PCDHGA4: variants seen among roughly 807,000 people sequenced by gnomAD.
The protein encoded by PCDHGA4 is protocadherin gamma-A4.
A neutral mutation model predicts 54.6 loss-of-function variants in PCDHGA4; 38 were observed. The ratio of observed to expected loss-of-function variants is 0.70; its 90% CI spans 0.54 to 0.91. PCDHGA4 has a LOEUF of 0.91. PCDHGA4 is among the 40% of genes least tolerant of loss of function. PCDHGA4 has a pLI of 0.00. For synonymous variants in PCDHGA4, 511 were observed against 512.9 expected, an observed-to-expected ratio of 1.00 and a Z score of 0.05; for missense variants, 1,298 against 1,220.9, an observed-to-expected ratio of 1.06 and a Z score of -0.94.
intron 1 of PCDHGA4, among the ~76,000 whole-genome samples, chr5:141,437,064 G>T (rs1380953110): frequency 6.6e-6 from 1 of 152,170 alleles, no homozygotes; most frequent in Non-Finnish European, 1.5e-5. Flanking sequence ...ATCATTATTT[G>T]GTTTGGGCCA....
In PCDHGA4 at chr5:141,491,867, T is replaced by A. The variant is rs1424221139; in HGVS notation, c.2515-2940T>A. On this transcript the variant is annotated intron_variant, in intron 1 of 3. Transcript: ENST00000571252. The surrounding 1 kb of genome is among the most constrained non-coding windows in gnomAD (Gnocchi z 6.9). ...TTGGACCGTTTGCGCGAAACCAGAG[T>A]GGCCGATTAAGGGATGGGGCTCCGA... 6.9e-7 allele frequency: 1 copy of A among 1,452,218 alleles called. No homozygotes were observed. The highest frequency in any genetic ancestry group is 9.1e-7 in the Non-Finnish European group (1 of 1,099,056). The allele number at this position is 1,452,218 out of a possible 1,614,324, so 90.0% of individuals were successfully genotyped here. A position where few individuals can be genotyped will look rare whatever the true frequency, so the allele number is the denominator to read the frequency against.
intron 1 of PCDHGA4, chr5:141,370,427 AG>A (rs749504882): frequency 1.3e-4 from 212 of 1,590,086 alleles, no homozygotes; most frequent in Non-Finnish European, 1.7e-4. Flanking sequence ...GGGGCCCAGC[AG>A]GGCAGAGGCG....
At chr5:141,498,352 C>T (rs1439698389) in intron 2 of PCDHGA4, among the ~76,000 whole-genome samples, 1 of 151,772 alleles carries the variant, frequency 6.6e-6, no homozygotes, top group Non-Finnish European at 1.5e-5. Flanking sequence ...AAAGCCTATG[C>T]AAAAGCCTTG....
In PCDHGA4 at chr5:141,374,048, C is replaced by T. The variant is rs1406796976; in HGVS notation, c.2514+16427C>T. ...AAAGTGATGCAGATCTGTTCTTCCT[C>T]TTCTTAATCCCAGAGAAGTTCCTAA... On this transcript the variant is annotated intron_variant, in intron 1 of 3. Coordinates refer to ENST00000571252, the MANE Select transcript of PCDHGA4 (RefSeq NM_018917.4). The T allele has an allele frequency of 4.8e-6, 7 of 1,471,096 alleles. No homozygotes were observed. In the East Asian group the frequency reaches 1.4e-4, roughly 30 times the overall value. 91.1% of individuals were successfully genotyped at this position (1,471,096 alleles called of 1,614,324 possible).
rs374191427 is a variant in PCDHGA4 at position 141,419,804 on chromosome 5, G to A, written c.2514+62183G>A. ...GCGCCTGCTAGTCGCTGTAAGAGAT[G>A]GAGGACAGCCACCCCTTTCAGCCAC... On this transcript the variant is annotated intron_variant, in intron 1 of 3. Coordinates refer to ENST00000571252, the MANE Select transcript of PCDHGA4 (RefSeq NM_018917.4). The A allele has an allele frequency of 2.8e-5, 45 of 1,613,946 alleles. No homozygotes were observed. The highest frequency in any genetic ancestry group is 1.6e-4 in the Middle Eastern group (1 of 6,082).
chr5:141,399,203 G>C, intron 1 of PCDHGA4: 1 of 1,613,940 alleles, frequency 6.2e-7, no homozygotes, highest in Middle Eastern at 1.6e-4. Context: ...GCGGTGCCTG[G>C]AACACTAATT....
At chr5:141,401,255 T>C (rs56773894) in intron 1 of PCDHGA4, among the ~76,000 whole-genome samples, 18,026 of 152,078 alleles carry the variant, frequency 0.12, 1,226 homozygotes, top group African/African-American at 0.18. Flanking sequence ...GACAGGAGAA[T>C]TGCTTGAACC....
At chr5:141,413,118 G>A (rs999214227) in intron 1 of PCDHGA4, 4 of 1,517,034 alleles carry the variant, frequency 2.6e-6, no homozygotes, top group Admixed American at 4.3e-5. Flanking sequence ...CAAAGGAACC[G>A]GTTGAAACAC....
intron 1 of PCDHGA4, chr5:141,410,014 G>C (rs1185262301): frequency 1.2e-6 from 2 of 1,613,296 alleles, no homozygotes. Context: ...ACGCCTGGCT[G>C]TCCTACCACG....
intron 1 of PCDHGA4, among the ~76,000 whole-genome samples, chr5:141,472,792 C>A (rs2099297177): frequency 6.6e-6 from 1 of 151,698 alleles, no homozygotes; most frequent in African/African-American, 2.4e-5. Context: ...TCAAGATCAG[C>A]CTGACCAACA....
chr5:141,455,055 G>T (rs1019622889), intron 1 of PCDHGA4, among the ~76,000 whole-genome samples: 1 of 151,602 alleles, frequency 6.6e-6, no homozygotes, highest in African/African-American at 2.4e-5. Flanking sequence ...CTCGTGATCC[G>T]CCCGCCTCGG....
In PCDHGA4 at chr5:141,432,017, A is replaced by G. The variant is rs372826902; in HGVS notation, c.2515-62790A>G. The stretch of plus-strand genomic sequence containing the variant: ...TAGGGAACAGGTTCCTAGCTACAAC[A>G]TCACAGTGACCGCCACTGACCGGGG... On this transcript the variant is annotated intron_variant, in intron 1 of 3. Coordinates refer to ENST00000571252, the MANE Select transcript of PCDHGA4 (RefSeq NM_018917.4). This position sits in a 1 kb window ranked among gnomAD's most constrained non-coding sequence, Gnocchi z 6.0. The G allele has an allele frequency of 6.2e-7, 1 of 1,614,224 alleles. No individual in the cohort carries two copies. Among genetic ancestry groups the G allele is most frequent in the Non-Finnish European group, 8.5e-7 (1 of 1,180,038 alleles).
At chr5:141,382,962 G>C in intron 1 of PCDHGA4, 1 of 1,607,858 alleles carries the variant, frequency 6.2e-7, no homozygotes, top group Admixed American at 1.7e-5. Flanking sequence ...TCCTCCTGGG[G>C]ACCCCCTGGG....
chr5:141,376,217 C>T (rs1387510502), intron 1 of PCDHGA4: 1 of 1,614,210 alleles, frequency 6.2e-7, no homozygotes, highest in Non-Finnish European at 8.5e-7. Flanking sequence ...CATCGTGCTG[C>T]TGGCGCTCAG....
intron 1 of PCDHGA4, among the ~76,000 whole-genome samples, chr5:141,472,815 C>T (rs1562036829): frequency 1.3e-5 from 2 of 151,596 alleles, no homozygotes; most frequent in East Asian, 1.9e-4. Flanking sequence ...GAGAAACCCC[C>T]GTCTCTACTA....
At chr5:141,418,549 C>A in intron 1 of PCDHGA4, 1 of 1,614,024 alleles carries the variant, frequency 6.2e-7, no homozygotes, top group Non-Finnish European at 8.5e-7. Context: ...AGATAAGAAT[C>A]CTGGTAATAG....
At chr5:141,429,039 A>G (rs565483195) in intron 1 of PCDHGA4, 1 of 152,202 alleles carries the variant, frequency 6.6e-6, no homozygotes, top group East Asian at 1.9e-4. Flanking sequence ...CATTTTTAGT[A>G]CAGACGGGGT....
intron 1 of PCDHGA4, chr5:141,361,049 A>G (rs1276582922): frequency 1.2e-6 from 2 of 1,613,746 alleles, no homozygotes; most frequent in South Asian, 1.1e-5. Flanking sequence ...ACGACAAAGG[A>G]TGATTTGGAT....
rs766964072 is a variant in PCDHGA4, at chr5:141,356,115, G to T, written c.1008G>T (p.Gly336=). Residue 336 remains glycine, a synonymous_variant, in exon 1 of 4, where the codon GGG becomes GGT. Coordinates refer to ENST00000571252, the MANE Select transcript of PCDHGA4 (RefSeq NM_018917.4). ...NSLSGDITIL[G]GLDYEDSGFY... Reference sequence around the variant, plus strand: ...TGAGTGGGGATATAACAATATTGGGGGGTCTAGATTATGAGGACTCTGGAT... The same window carrying T: ...TGAGTGGGGATATAACAATATTGGGTGGTCTAGATTATGAGGACTCTGGAT... 1.9e-6 allele frequency: 3 copies of T among 1,613,880 alleles called. No individual in the cohort carries two copies. Among genetic ancestry groups the T allele is most frequent in the South Asian group, 2.2e-5 (2 of 91,056 alleles).
Sources: allele counts gnomAD v4.1 joint callset (sites outside exome capture counted in the v4.1 genomes callset), GRCh38; gene constraint gnomAD v4.1.1; non-coding constraint Gnocchi (gnomAD v3.1); transcripts MANE v1.5; gene names NCBI Gene and HGNC (gene_info 2026-07-23, HGNC 2026-07-21).